Variants in CWF19L2 observed in about 807,000 individuals in gnomAD.
CWF19L2 encodes CWF19 like cell cycle control factor 2.
A neutral mutation model predicts 111.7 loss-of-function variants in CWF19L2; 98 were observed. The observed-to-expected ratio is 0.88, with a 90% confidence interval of 0.75 to 1.04. The LOEUF (loss-of-function observed/expected upper bound fraction) is 1.04, where lower values mean the gene tolerates loss of function less well. CWF19L2 is among the 50% of genes least tolerant of loss of function. CWF19L2 has a pLI of 0.00. For synonymous variants in CWF19L2, 351 were observed against 342.9 expected (o/e 1.02, Z -0.26); for missense variants, 1,101 against 1,051.4 (o/e 1.05, Z -0.65).
In CWF19L2 at chr11:107,373,439, G is replaced by A. The variant is rs567013521; in HGVS notation, c.1872+16635C>T. Among the ~76,000 whole-genome samples, 2 of 135,208 alleles carry A rather than the reference G, an allele frequency of 1.5e-5. 1 individual carries two copies. Among genetic ancestry groups the A allele is most frequent in the Non-Finnish European group, 3.2e-5 (2 of 63,268 alleles). 88.7% of individuals were successfully genotyped at this position (135,208 alleles called of 152,430 possible). A position where few individuals can be genotyped will look rare whatever the true frequency, so the allele number is the denominator to read the frequency against. On this transcript the variant is annotated intron_variant, in intron 12 of 17. Transcript: ENST00000282251. Reference sequence around the variant, plus strand: ...CTGAAGATCTGAGAACGGGCAGACTGCCTCCTCAAGTGGGTCCCTGACCCC... The same window carrying A: ...CTGAAGATCTGAGAACGGGCAGACTACCTCCTCAAGTGGGTCCCTGACCCC...
intron 6 of CWF19L2, among the ~76,000 whole-genome samples, chr11:107,435,361 A>G (rs1456850399): frequency 6.6e-6 from 1 of 152,342 alleles, no homozygotes; most frequent in Non-Finnish European, 1.5e-5. Flanking sequence ...TAAGTAAAAG[A>G]AATCCACAGT....
At chr11:107,451,492 C>T (rs1861777738) in intron 3 of CWF19L2, among the ~76,000 whole-genome samples, 1 of 151,124 alleles carries the variant, frequency 6.6e-6, no homozygotes, top group Non-Finnish European at 1.5e-5. Flanking sequence ...AGAGAAAATT[C>T]AAGGAAACTA....
chr11:107,437,546 T>G (rs1194343599), intron 6 of CWF19L2, among the ~76,000 whole-genome samples: 4 of 152,210 alleles, frequency 2.6e-5, no homozygotes, highest in Non-Finnish European at 5.9e-5. Context: ...TCTGGGATCT[T>G]AGCCTCAGAA....
chr11:107,391,613 C>T (rs1379413367), intron 11 of CWF19L2, among the ~76,000 whole-genome samples: 3 of 152,216 alleles, frequency 2.0e-5, no homozygotes, highest in Non-Finnish European at 4.4e-5. Flanking sequence ...CAGTTGGTTC[C>T]ATACCCAGGT....
chr11:107,362,763 C>T lies in CWF19L2; in HGVS notation c.1873-9027G>A, dbSNP rs553603181. ...AAACTGGAAACTCTAAAACGCAGAGCGCCTCTCCTCCTCCAAAGGAACGCA... is the reference window on the plus strand; with the variant it reads ...AAACTGGAAACTCTAAAACGCAGAGTGCCTCTCCTCCTCCAAAGGAACGCA... On this transcript the variant is annotated intron_variant, in intron 12 of 17. Coordinates refer to ENST00000282251, the MANE Select transcript of CWF19L2 (RefSeq NM_152434.3). Among the ~76,000 whole-genome samples, 236 of 151,662 alleles carry T rather than the reference C, an allele frequency of 1.6e-3. 2 individuals carry two copies. Among genetic ancestry groups the T allele is most frequent in the African/African-American group, 5.6e-3 (230 of 41,078 alleles).
At chr11:107,393,485 G>A (rs1189057696) in intron 10 of CWF19L2, among the ~76,000 whole-genome samples, 1 of 152,036 alleles carries the variant, frequency 6.6e-6, no homozygotes, top group Non-Finnish European at 1.5e-5. Flanking sequence ...ATTCTCTAAT[G>A]GAAATGGAAT....
In CWF19L2 at chr11:107,326,877, T is replaced by C; in HGVS notation, c.*33A>G. 1.3e-6 allele frequency: 2 copies of C among 1,548,602 alleles called. No individual in the cohort carries two copies. Among genetic ancestry groups the C allele is most frequent in the Non-Finnish European group, 1.7e-6 (2 of 1,149,162 alleles). On this transcript the variant is annotated 3_prime_UTR_variant, in exon 18 of 18. Coordinates refer to ENST00000282251, the MANE Select transcript of CWF19L2 (RefSeq NM_152434.3). ...GCAATGGAAATAAAACTGAACGGGA[T>C]CTGAAGAAAAATTTTAAAATGGAAG... is the stretch of plus-strand genomic sequence containing the variant.
chr11:107,336,727 AG>A lies in CWF19L2; in HGVS notation c.2203-15del. 1 of 1,314,846 alleles carries A rather than the reference AG, an allele frequency of 7.6e-7. No individual in the cohort carries two copies. Among genetic ancestry groups the A allele is most frequent in the South Asian group, 1.4e-5 (1 of 70,432 alleles). The allele number at this position is 1,314,846 out of a possible 1,614,324, so 81.4% of individuals were successfully genotyped here. ...TTTTCTGAACATCTAAAAAAAAAAA[AG>A]AACTAGGTAAAGAAAACACTTAAAG... On this transcript the variant is annotated splice_polypyrimidine_tract_variant and intron_variant, in intron 14 of 17. Coordinates refer to ENST00000282251, the MANE Select transcript of CWF19L2 (RefSeq NM_152434.3).
intron 12 of CWF19L2, among the ~76,000 whole-genome samples, chr11:107,358,680 T>C (rs1457270424): frequency 6.6e-6 from 1 of 152,236 alleles, no homozygotes; most frequent in Non-Finnish European, 1.5e-5. Flanking sequence ...TAGTAGCTGC[T>C]TAGGGCTTAA....
At chr11:107,403,747 G>A (rs1396516617) in intron 10 of CWF19L2, 22 of 885,106 alleles carry the variant, frequency 2.5e-5, no homozygotes, top group Admixed American at 1.7e-4. Context: ...GCTTTTTGCC[G>A]GTCTGTTCCT....
chr11:107,361,866 T>A (rs1167575525), intron 12 of CWF19L2, among the ~76,000 whole-genome samples: 3 of 151,836 alleles, frequency 2.0e-5, no homozygotes, highest in African/African-American at 7.3e-5. Context: ...GCTCCAAGCG[T>A]GAGAGACGCA....
In CWF19L2 at chr11:107,390,063, A is replaced by C. The variant is rs752381443; in HGVS notation, c.1872+11T>G. On this transcript the variant is annotated intron_variant, in intron 12 of 17. Coordinates refer to ENST00000282251, the MANE Select transcript of CWF19L2 (RefSeq NM_152434.3). ...CTCAAAATTCAGAGGTATCCTAGGAATATATCTTACCTTAGATGCCATTCT... is the reference window on the plus strand; with the variant it reads ...CTCAAAATTCAGAGGTATCCTAGGACTATATCTTACCTTAGATGCCATTCT... 6.2e-7 allele frequency: 1 copy of C among 1,610,980 alleles called. No homozygotes were observed. Among genetic ancestry groups the C allele is most frequent in the South Asian group, 1.1e-5 (1 of 90,608 alleles).
chr11:107,403,385 A>G, intron 10 of CWF19L2: 1 of 731,914 alleles, frequency 1.4e-6, no homozygotes, highest in Non-Finnish European at 2.5e-6. Context: ...AGAACACATA[A>G]AACATGGCAA....
intron 14 of CWF19L2, among the ~76,000 whole-genome samples, chr11:107,343,772 C>T (rs1860039211): frequency 6.6e-6 from 1 of 152,132 alleles, no homozygotes; most frequent in South Asian, 2.1e-4. Flanking sequence ...TAAGGCATTA[C>T]ATATACATAC....
intron 9 of CWF19L2, among the ~76,000 whole-genome samples, chr11:107,417,734 T>C (rs896766960): frequency 1.3e-5 from 2 of 150,550 alleles, no homozygotes; most frequent in East Asian, 2.0e-4. Flanking sequence ...AAGTAGATAG[T>C]ATTCTTCACA....
chr11:107,329,566 T>C (rs142562003), intron 17 of CWF19L2, among the ~76,000 whole-genome samples: 49 of 152,302 alleles, frequency 3.2e-4, no homozygotes, highest in African/African-American at 1.2e-3. Flanking sequence ...AATAGGATTA[T>C]TGTGAGCATT....
rs532685956 is a variant in CWF19L2, at chr11:107,399,072, C to T, written c.1618-6177G>A. The stretch of plus-strand genomic sequence containing the variant: ...CTAAAAGGAGCTCTAAATCTTGAAA[C>T]AAATCTTTTACACCAAAACAGAACC... On this transcript the variant is annotated intron_variant, in intron 10 of 17. Coordinates refer to ENST00000282251, the MANE Select transcript of CWF19L2 (RefSeq NM_152434.3). 2.6e-5 allele frequency among the ~76,000 whole-genome samples: 4 copies of T among 152,148 alleles called. No homozygotes were observed. In the East Asian group the frequency reaches 7.7e-4, roughly 29 times the overall value.
chr11:107,401,663 C>T (rs546210371), intron 10 of CWF19L2, among the ~76,000 whole-genome samples: 33 of 152,128 alleles, frequency 2.2e-4, no homozygotes, highest in African/African-American at 7.9e-4. Context: ...CTGCCAAAAG[C>T]AATCTACAAA....
At chr11:107,395,324 G>C (rs1733122132) in intron 10 of CWF19L2, among the ~76,000 whole-genome samples, 1 of 152,194 alleles carries the variant, frequency 6.6e-6, no homozygotes. Context: ...CAGCCATGTG[G>C]AACTGTAAGT....
Sources: gnomAD v4.1 joint callset for allele counts (sites outside exome capture counted in the v4.1 genomes callset) on GRCh38, gnomAD v4.1.1 for gene constraint, MANE v1.5 for transcripts, NCBI Gene and HGNC (gene_info 2026-07-23, HGNC 2026-07-21) for gene names.